Variants in DOC2A observed in about 807,000 individuals in gnomAD.
DOC2A encodes the protein double C2 domain alpha.
Under a neutral mutation model 40.6 loss-of-function variants are expected in DOC2A, and 28 were observed. The ratio of observed to expected loss-of-function variants is 0.69; its 90% CI spans 0.51 to 0.95. The LOEUF (loss-of-function observed/expected upper bound fraction) is 0.95, where lower values mean the gene tolerates loss of function less well. Ranked by LOEUF, DOC2A falls within the 40% of genes least tolerant of loss-of-function variation. The probability of loss-of-function intolerance (pLI) is 0.00; values close to 1 mark genes in which losing one functional copy is unlikely to be tolerated. For synonymous variants in DOC2A, 241 were observed against 236.9 expected (o/e 1.02, Z -0.16); for missense variants, 474 against 552.5 (o/e 0.86, Z 1.42).
At position 30,006,438 on chromosome 16, in the gene DOC2A, G is replaced by A; in HGVS notation, c.1032C>T (p.Asp344=). Residue 344 remains aspartate (D), a synonymous_variant, in exon 10 of 11, where the codon GAC becomes GAT. Coordinates refer to ENST00000350119, the MANE Select transcript of DOC2A (RefSeq NM_003586.3). This position sits in a 1 kb window ranked among gnomAD's most constrained non-coding sequence, Gnocchi z 6.2. ...CAATGAAGTCATTGGATTTGCCAAT[G>A]TCATAGTCCCAGACGGTGACTTCCA... ...KTLEVTVWDY[D]IGKSNDFIGG... 6.2e-7 allele frequency: 1 copy of A among 1,613,708 alleles called. No individual in the cohort carries two copies. The highest frequency in any genetic ancestry group is 8.5e-7 in the Non-Finnish European group (1 of 1,179,936).
intron 1 of DOC2A, among the ~76,000 whole-genome samples, chr16:30,020,958 G>A (rs1396959102): frequency 6.6e-6 from 1 of 151,982 alleles, no homozygotes. Context: ...GGAGGTCGAG[G>A]CTGCACTCCA....
intron 5 of DOC2A, chr16:30,008,197 C>T (rs1250099622): frequency 6.5e-6 from 1 of 153,042 alleles, no homozygotes; most frequent in African/African-American, 2.4e-5. Context: ...CCTACATCTC[C>T]ATCTCCTAGG....
At chr16:30,011,332 G>T, upstream of DOC2A, 21 of 984,918 alleles carry the variant, frequency 2.1e-5, no homozygotes, top group Non-Finnish European at 2.5e-5. Flanking sequence ...ACACTTACCC[G>T]GAGAACTTCG....
upstream of DOC2A, among the ~76,000 whole-genome samples, chr16:30,017,039 G>A (rs765991154): frequency 4.3e-4 from 66 of 152,184 alleles, no homozygotes; most frequent in African/African-American, 1.2e-4. Context: ...GTGTGCCAAA[G>A]CTGGGAGGCA....
Position 30,006,696 on chromosome 16 carries a change from G to A in DOC2A, c.879-19C>T. 6.2e-7 allele frequency: 1 copy of A among 1,613,728 alleles called. No homozygotes were observed. The highest frequency in any genetic ancestry group is 8.5e-7 in the Non-Finnish European group (1 of 1,179,950). ...CAGGTACCTGGGGGTGGGGTGGAGG[G>A]AGACGAACTGAGGGGTGAGGGACAG... On this transcript the variant is annotated intron_variant, in intron 8 of 10. Transcript: ENST00000350119. The surrounding 1 kb of genome is among the most constrained non-coding windows in gnomAD (Gnocchi z 6.2).
upstream of DOC2A, chr16:30,011,201 CA>C: frequency 2.9e-6 from 2 of 691,130 alleles, no homozygotes; most frequent in Non-Finnish European, 3.6e-6. Context: ...CACACTCACG[CA>C]GGGGCACGCG....
chr16:30,008,890 A>T, intron 5 of DOC2A, 106 bp downstream of exon 5: 1 of 812,592 alleles, frequency 1.2e-6, no homozygotes, highest in Non-Finnish European at 2.1e-6. Flanking sequence ...ATGGTTCTTG[A>T]GCATCAGAGA....
upstream of DOC2A, chr16:30,023,110 C>T (rs1044829050): frequency 2.3e-6 from 1 of 443,434 alleles, no homozygotes; most frequent in East Asian, 3.8e-5. Flanking sequence ...ATGGCCGTGC[C>T]GCATCCCTCC....
intron 1 of DOC2A, among the ~76,000 whole-genome samples, chr16:30,020,818 G>A (rs1567289410): frequency 1.3e-5 from 2 of 152,120 alleles, no homozygotes; most frequent in Non-Finnish European, 2.9e-5. Context: ...CTGCACTCCA[G>A]CCTGGGCAAC....
Position 30,006,751 on chromosome 16 carries a change from C to T in DOC2A, c.878+34G>A, listed in dbSNP as rs1340310297. The T allele has an allele frequency of 5.6e-6, 9 of 1,613,680 alleles. No homozygotes were observed. Among genetic ancestry groups the T allele is most frequent in the Non-Finnish European group, 6.8e-6 (8 of 1,179,970 alleles). On this transcript the variant is annotated intron_variant, in intron 8 of 10. Transcript: ENST00000350119. This position sits in a 1 kb window ranked among gnomAD's most constrained non-coding sequence, Gnocchi z 6.2. ...GGCCCAACTCAGGCCAGGGCAGGCT[C>T]CCTGGGGAGGAGAGGGTCAGAGCAA...
In DOC2A at chr16:30,006,391, C is replaced by G; in HGVS notation, c.1057+22G>C. 4 of 1,613,722 alleles carry G rather than the reference C, an allele frequency of 2.5e-6. No homozygotes were observed. Among genetic ancestry groups the G allele is most frequent in the Non-Finnish European group, 3.4e-6 (4 of 1,179,928 alleles). ...CCTGCCACTTGCCCGCCCTCAACAC[C>G]CGCAGCCAGCTCCTCCCTCACCAAT... On this transcript the variant is annotated intron_variant, in intron 10 of 10. Transcript: ENST00000350119. The surrounding 1 kb of genome is among the most constrained non-coding windows in gnomAD (Gnocchi z 6.2).
Position 30,009,176 on chromosome 16 carries a change from C to CCATGTCAT in DOC2A, c.417+25_417+26insATGACATG. ...CACAGGCTGGAGTCATGGGCTGGGC[C>CCATGTCAT]GGGCGGGGCGAGAGGAGGCTGTTAC... On this transcript the variant is annotated intron_variant, in intron 4 of 10. Transcript: ENST00000350119. This position sits in a 1 kb window ranked among gnomAD's most constrained non-coding sequence, Gnocchi z 4.1. 1 of 1,167,084 alleles carries CCATGTCAT rather than the reference C, an allele frequency of 8.6e-7. No homozygotes were observed. Among genetic ancestry groups the CCATGTCAT allele is most frequent in the Non-Finnish European group, 1.2e-6 (1 of 827,756 alleles). The allele number at this position is 1,167,084 out of a possible 1,614,324, so 72.3% of individuals were successfully genotyped here. A position where few individuals can be genotyped will look rare whatever the true frequency, so the allele number is the denominator to read the frequency against.
chr16:30,023,171 T>G, upstream of DOC2A: 1 of 545,042 alleles, frequency 1.8e-6, no homozygotes, highest in Non-Finnish European at 3.3e-6. Flanking sequence ...ATCAGCGACA[T>G]TCCAGGGGGT....
Position 30,010,375 on chromosome 16 carries a change from C to T in DOC2A, c.-13-140G>A, listed in dbSNP as rs908073133. The T allele has an allele frequency of 8.9e-6, 11 of 1,230,334 alleles. No individual in the cohort carries two copies. The highest frequency in any genetic ancestry group is 3.7e-5 in the Admixed American group (2 of 54,506). 76.2% of individuals were successfully genotyped at this position (1,230,334 alleles called of 1,614,324 possible). A position where few individuals can be genotyped will look rare whatever the true frequency, so the allele number is the denominator to read the frequency against. On this transcript the variant is annotated intron_variant, in intron 1 of 10. Coordinates refer to ENST00000350119, the MANE Select transcript of DOC2A (RefSeq NM_003586.3). This position sits in a 1 kb window ranked among gnomAD's most constrained non-coding sequence, Gnocchi z 4.2. ...GAGGGAGAGGGTGGTGTGTGCCAGC[C>T]GGTGGCAGGTGGGAGGCCTGGGCCC...
upstream of DOC2A, chr16:30,013,389 C>T (rs1331695514): frequency 6.7e-6 from 1 of 149,664 alleles, no homozygotes; most frequent in Non-Finnish European, 1.5e-5. Flanking sequence ...CCTCAGCCTC[C>T]CGGGTAGCTG....
rs1305869570 is a variant in DOC2A at position 30,006,975 on chromosome 16, C to T, written c.715-27G>A. ...TGCGGGGCACAGACTCAGGGTCAGC[C>T]TGGGCCCCTGCAGCCTCCCACCCAC... On this transcript the variant is annotated intron_variant, in intron 7 of 10. Coordinates refer to ENST00000350119, the MANE Select transcript of DOC2A (RefSeq NM_003586.3). The surrounding 1 kb of genome is among the most constrained non-coding windows in gnomAD (Gnocchi z 6.2). 6.2e-7 allele frequency: 1 copy of T among 1,613,874 alleles called. No homozygotes were observed. The highest frequency in any genetic ancestry group is 1.1e-5 in the South Asian group (1 of 91,078).
upstream of DOC2A, chr16:30,011,503 GACCA>G: frequency 3.7e-6 from 3 of 801,294 alleles, no homozygotes; most frequent in Non-Finnish European, 3.0e-6. Context: ...CCCAAGGCCG[GACCA>G]CCGGCCTCGT....
chr16:30,018,103 C>CAAA (rs34061843), intron 1 of DOC2A, among the ~76,000 whole-genome samples: 3 of 61,572 alleles, frequency 4.9e-5, no homozygotes, highest in African/African-American at 6.7e-5. Context: ...CTATTTCTAC[C>CAAA]AAAAAAAAAA....
chr16:30,018,006 C>T (rs1259140390), intron 1 of DOC2A, among the ~76,000 whole-genome samples: 2 of 141,242 alleles, frequency 1.4e-5, no homozygotes, highest in East Asian at 4.3e-4. Context: ...AGGCTGGGCG[C>T]TGTAATCCCA....
Sources: gnomAD v4.1 joint callset for allele counts (sites outside exome capture counted in the v4.1 genomes callset) on GRCh38, gnomAD v4.1.1 for gene constraint, Gnocchi (gnomAD v3.1) non-coding constraint, MANE v1.5 for transcripts, NCBI Gene and HGNC (gene_info 2026-07-23, HGNC 2026-07-21) for gene names.